CAMTA1: variants seen among roughly 807,000 people sequenced by gnomAD.
The protein encoded by CAMTA1 is calmodulin-binding transcription activator 1.
Under a neutral mutation model 170.9 loss-of-function variants are expected in CAMTA1, and 27 were observed. The observed-to-expected ratio is 0.16, with a 90% confidence interval of 0.12 to 0.22. The LOEUF is 0.22. CAMTA1 is among the 10% of genes least tolerant of loss of function. The pLI, the probability that CAMTA1 is intolerant of heterozygous loss-of-function variation, is 1.00. For missense variants in CAMTA1, 1,619 were observed against 2,217.2 expected, an observed-to-expected ratio of 0.73 and a Z score of 5.42; for synonymous variants, 833 against 891.5, an observed-to-expected ratio of 0.93 and a Z score of 1.17.
At chr1:7,102,877 A>G (rs192058209) in intron 4 of CAMTA1, among the ~76,000 whole-genome samples, 1 of 152,060 alleles carries the variant, frequency 6.6e-6, no homozygotes, top group East Asian at 1.9e-4. Context: ...CCGAACTGTC[A>G]CCTTCTTTAG....
rs2093147182 is a variant in CAMTA1 at position 7,463,754 on chromosome 1, C to A, written c.439-4076C>A. ...TGGCCGGGAAGGGAGGTGCCCACAA[C>A]ATACCAACCTATAAGTGATGTGCTT... On this transcript the variant is annotated intron_variant, in intron 5 of 22. Coordinates refer to ENST00000303635, the MANE Select transcript of CAMTA1 (RefSeq NM_015215.4). This position sits in a 1 kb window ranked among gnomAD's most constrained non-coding sequence, Gnocchi z 4.7. Among the ~76,000 whole-genome samples the A allele has an allele frequency of 6.6e-6, 1 of 152,168 alleles. No homozygotes were observed. Among genetic ancestry groups the A allele is most frequent in the African/African-American group, 2.4e-5 (1 of 41,450 alleles).
intron 5 of CAMTA1, among the ~76,000 whole-genome samples, chr1:7,310,832 G>A (rs149507320): frequency 6.6e-6 from 1 of 151,366 alleles, no homozygotes; most frequent in African/African-American, 2.4e-5. Context: ...CTGGGTTCAA[G>A]CAATTCTCGT....
At position 7,635,796 on chromosome 1, in the gene CAMTA1, T is replaced by A. The variant is rs1014937623; in HGVS notation, c.511-4604T>A. Among the ~76,000 whole-genome samples the A allele has an allele frequency of 6.6e-6, 1 of 152,238 alleles. No homozygotes were observed. Among genetic ancestry groups the A allele is most frequent in the East Asian group, 1.9e-4 (1 of 5,162 alleles). ...CGTTATGAGCACTCCATGAAACTGATACATTAGGACTCCAAGCTAATATAT... is the reference window on the plus strand; with the variant it reads ...CGTTATGAGCACTCCATGAAACTGAAACATTAGGACTCCAAGCTAATATAT... On this transcript the variant is annotated intron_variant, in intron 6 of 22. Coordinates refer to ENST00000303635, the MANE Select transcript of CAMTA1 (RefSeq NM_015215.4). This position sits in a 1 kb window ranked among gnomAD's most constrained non-coding sequence, Gnocchi z 4.4.
At position 7,172,464 on chromosome 1, in the gene CAMTA1, A is replaced by T. The variant is rs74051170; in HGVS notation, c.303-77027A>T. On this transcript the variant is annotated intron_variant, in intron 4 of 22. Transcript: ENST00000303635. The stretch of plus-strand genomic sequence containing the variant: ...TGTGCCTGGTCCCCAATGACTTCTT[A>T]ATCCAGGAGAGCTTCTAGGGAGGTG... Among the ~76,000 whole-genome samples, 1,320 of 152,254 alleles carry T rather than the reference A, an allele frequency of 8.7e-3. 19 individuals are homozygous for T. Among genetic ancestry groups the T allele is most frequent in the African/African-American group, 0.031 (1,285 of 41,538 alleles).
intron 5 of CAMTA1, among the ~76,000 whole-genome samples, chr1:7,355,033 C>T (rs570425807): frequency 1.2e-4 from 19 of 152,004 alleles, no homozygotes; most frequent in Non-Finnish European, 2.5e-4. Context: ...TGGTGAAAAC[C>T]TGTCTCTACT....
chr1:7,452,382 C>T (rs1383953676), intron 5 of CAMTA1, among the ~76,000 whole-genome samples: 1 of 152,188 alleles, frequency 6.6e-6, no homozygotes, highest in Non-Finnish European at 1.5e-5. Flanking sequence ...GTCAGATTCA[C>T]ATAATGCAAA....
intron 5 of CAMTA1, among the ~76,000 whole-genome samples, chr1:7,355,458 C>T (rs1428577438): frequency 1.3e-5 from 2 of 152,126 alleles, no homozygotes; most frequent in Admixed American, 1.3e-4. Context: ...CTCTAAAAAC[C>T]AAGGAGTCAG....
intron 4 of CAMTA1, among the ~76,000 whole-genome samples, chr1:7,247,989 A>G (rs1471189207): frequency 6.6e-6 from 1 of 152,162 alleles, no homozygotes; most frequent in East Asian, 1.9e-4. Context: ...ACTGACACAA[A>G]CCAATTGTGC....
rs1418465154 is a variant in CAMTA1, at chr1:7,664,500, C to T, written c.1953C>T (p.Ala651=). The T allele has an allele frequency of 6.2e-7, 1 of 1,613,310 alleles. No homozygotes were observed. ...TGATGCCCACGGTGAAAACGGAGGC[C>T]TCGTCCCAAACCAGCTCCTGCAGCG... ...TFVMPTVKTE[A]SSQTSSCSGH... The change falls in exon 9 of 23, where the codon GCC becomes GCT. Residue 651 remains alanine (A), a synonymous_variant. Coordinates refer to ENST00000303635, the MANE Select transcript of CAMTA1 (RefSeq NM_015215.4).
Position 7,663,511 on chromosome 1 carries a change from AGCC to A in CAMTA1, c.966_968del (p.Arg323del), listed in dbSNP as rs1247941157. On this transcript the variant is annotated inframe_deletion, in exon 9 of 23. Transcript: ENST00000303635. ...CGAGCACAGCCACAGCAAGGGCTCC[AGCC>A]GTGAGAAGAGGAACGGCAAGGTGGC... is the stretch of plus-strand genomic sequence containing the variant. The A allele has an allele frequency of 6.2e-7, 1 of 1,602,096 alleles. No individual in the cohort carries two copies. The highest frequency in any genetic ancestry group is 8.5e-7 in the Non-Finnish European group (1 of 1,170,690).
At chr1:7,265,656 T>C (rs1263166712) in intron 5 of CAMTA1, among the ~76,000 whole-genome samples, 1 of 152,186 alleles carries the variant, frequency 6.6e-6, no homozygotes, top group African/African-American at 2.4e-5. Flanking sequence ...TTTTTGTGGA[T>C]TACATGTTGA....
intron 6 of CAMTA1, among the ~76,000 whole-genome samples, chr1:7,507,531 T>C (rs764372654): frequency 6.6e-6 from 1 of 152,226 alleles, no homozygotes; most frequent in Non-Finnish European, 1.5e-5. Context: ...AGGCCCTTTA[T>C]TACCTCGTGG....
At chr1:7,257,713 G>GT (rs58070259) in intron 5 of CAMTA1, among the ~76,000 whole-genome samples, 89,927 of 151,326 alleles carry the variant, frequency 0.59, 27,269 homozygotes, top group African/African-American at 0.65. Context: ...ATAAACAACA[G>GT]TTTTTTTTTA....
At chr1:6,988,583 G>A (rs1695762796) in intron 3 of CAMTA1, among the ~76,000 whole-genome samples, 1 of 152,168 alleles carries the variant, frequency 6.6e-6, no homozygotes, top group South Asian at 2.1e-4. Context: ...GCAGAAAAAA[G>A]CCTTTTGGAT....
chr1:7,523,012 A>G (rs1324423940), intron 6 of CAMTA1, among the ~76,000 whole-genome samples: 1 of 152,182 alleles, frequency 6.6e-6, no homozygotes, highest in Non-Finnish European at 1.5e-5. Flanking sequence ...AATTACAAGC[A>G]TGCGCCACCA....
At chr1:7,566,191 A>G (rs1420582442) in intron 6 of CAMTA1, among the ~76,000 whole-genome samples, 1 of 152,116 alleles carries the variant, frequency 6.6e-6, no homozygotes, top group African/African-American at 2.4e-5. Context: ...GAGACAAGGG[A>G]TCTGGTGCGA....
At chr1:7,663,214 C>A (rs1409350201) in intron 8 of CAMTA1, 139 bp from the exon 9 acceptor site, 5 of 1,186,016 alleles carry the variant, frequency 4.2e-6, no homozygotes, top group Non-Finnish European at 3.5e-6. Flanking sequence ...GGGTACCGGG[C>A]CTGGACTTTG....
intron 7 of CAMTA1, among the ~76,000 whole-genome samples, chr1:7,656,631 C>T (rs1245896050): frequency 1.3e-5 from 2 of 152,244 alleles, no homozygotes; most frequent in Non-Finnish European, 2.9e-5. Context: ...TCCGCCGCTT[C>T]CCAAGGGCAT....
intron 4 of CAMTA1, among the ~76,000 whole-genome samples, chr1:7,183,606 T>C (rs1652662230): frequency 6.6e-6 from 1 of 152,186 alleles, no homozygotes; most frequent in African/African-American, 2.4e-5. Context: ...TGGTGCATAA[T>C]GCATAGTACA....
Sources: gnomAD v4.1 joint callset for allele counts (sites outside exome capture counted in the v4.1 genomes callset) on GRCh38, gnomAD v4.1.1 for gene constraint, Gnocchi (gnomAD v3.1) non-coding constraint, MANE v1.5 for transcripts, NCBI Gene and HGNC (gene_info 2026-07-23, HGNC 2026-07-21) for gene names.